Variants in ITGB4 observed in about 807,000 individuals in gnomAD.
The protein encoded by ITGB4 is integrin beta-4.
A neutral mutation model predicts 207.6 loss-of-function variants in ITGB4; 159 were observed. The observed-to-expected ratio is 0.77, with a 90% CI of 0.67 to 0.87. The LOEUF (loss-of-function observed/expected upper bound fraction) is 0.87. Among genes scored for constraint, ITGB4 ranks in the 40% least tolerant of loss-of-function variants. ITGB4 has a pLI of 0.00. For missense variants in ITGB4, 2,278 were observed against 2,546.8 expected (o/e 0.89, Z 2.27); for synonymous variants, 1,020 against 1,062.7 (o/e 0.96, Z 0.78).
chr17:75,756,380 G>A lies in ITGB4; in HGVS notation c.4709-49G>A, dbSNP rs1423812669. 4 of 1,597,520 alleles carry A rather than the reference G, an allele frequency of 2.5e-6. No homozygotes were observed. The African/African-American group carries it at 4.0e-5, about 16-fold the overall frequency. ...TTAGGGACGAGGAGGATCAGGCCAGGGGTGGGAGTAACACTGCACTACTGT... is the reference window on the plus strand; with the variant it reads ...TTAGGGACGAGGAGGATCAGGCCAGAGGTGGGAGTAACACTGCACTACTGT... On this transcript the variant is annotated intron_variant, in intron 35 of 39. Transcript: ENST00000200181.
chr17:75,747,232 A>G (rs2061252616), intron 26 of ITGB4, among the ~76,000 whole-genome samples: 1 of 152,140 alleles, frequency 6.6e-6, no homozygotes, highest in African/African-American at 2.4e-5. Flanking sequence ...TAATCCCAGC[A>G]CTTTGGGAGG....
intron 34 of ITGB4, chr17:75,755,123 C>T (rs369402815): frequency 1.7e-5 from 27 of 1,610,014 alleles, no homozygotes; most frequent in African/African-American, 5.3e-5. Context: ...GTCCCGGAGT[C>T]GGGCTCAGAT....
chr17:75,757,507 C>T lies in ITGB4; in HGVS notation c.5421C>T (p.Thr1807=). ...TQEFVSRTLT[T]SGTLSTHMDQ... ...AGTTTGTGAGCCGGACACTGACCACCAGCGGAACCCTTAGCACCCACATGG... is the reference window on the plus strand; with the variant it reads ...AGTTTGTGAGCCGGACACTGACCACTAGCGGAACCCTTAGCACCCACATGG... The change falls in exon 40 of 40, where the codon ACC becomes ACT. Residue 1807 remains threonine, a synonymous_variant. Transcript: ENST00000200181. 1 of 1,613,350 alleles carries T rather than the reference C, an allele frequency of 6.2e-7. No individual in the cohort carries two copies. The highest frequency in any genetic ancestry group is 8.5e-7 in the Non-Finnish European group (1 of 1,180,002).
chr17:75,749,677 T>C (rs1396986199), intron 27 of ITGB4, among the ~76,000 whole-genome samples: 1 of 152,254 alleles, frequency 6.6e-6, no homozygotes, highest in Non-Finnish European at 1.5e-5. Context: ...TCAGCCTCAA[T>C]TCCAACTAAC....
At chr17:75,754,989 TG>T in intron 34 of ITGB4, 174 bp downstream of exon 34, 1 of 1,553,178 alleles carries the variant, frequency 6.4e-7, no homozygotes, top group African/African-American at 1.4e-5. Context: ...CAGACATGCA[TG>T]CGCACACGTA....
At chr17:75,735,807 G>A (rs1291695474) in intron 13 of ITGB4, among the ~76,000 whole-genome samples, 1 of 152,212 alleles carries the variant, frequency 6.6e-6, no homozygotes, top group Non-Finnish European at 1.5e-5. Context: ...AGGGGAGCAG[G>A]AGCCACATGA....
chr17:75,743,590 A>G (rs375797151), intron 25 of ITGB4, 123 bp from the exon 26 acceptor site: 1 of 1,315,404 alleles, frequency 7.6e-7, no homozygotes. Flanking sequence ...CCAGAGGGCA[A>G]TGCATAGAGG....
chr17:75,754,340 A>G, intron 33 of ITGB4: 1 of 606,216 alleles, frequency 1.6e-6, no homozygotes, highest in Non-Finnish European at 2.9e-6. Context: ...CAGGGTCAGC[A>G]GTGCTCACAC....
At position 75,742,397 on chromosome 17, in the gene ITGB4, C is replaced by G; in HGVS notation, c.2690C>G (p.Ala897Gly). ...ATGGCGCCCCGCTCGGCCAAGCCGG[C>G]CCTGCTGAAGCTTACAGAGAAGCAG... ...VLMAPRSAKPALLKLTEKQVE... is the reference protein window; with the variant it reads ...VLMAPRSAKPGLLKLTEKQVE... Residue 897 changes from alanine to glycine, a missense_variant, in exon 24 of 40, where the codon GCC (alanine) becomes GGC (glycine). Transcript: ENST00000200181. This position sits in a 1 kb window ranked among gnomAD's most constrained non-coding sequence, Gnocchi z 5.9. 1 of 1,613,422 alleles carries G rather than the reference C, an allele frequency of 6.2e-7. No homozygotes were observed. The highest frequency in any genetic ancestry group is 8.5e-7 in the Non-Finnish European group (1 of 1,179,980).
At position 75,751,121 on chromosome 17, in the gene ITGB4, A is replaced by G; in HGVS notation, c.3793+10A>G. 6.2e-7 allele frequency: 1 copy of G among 1,612,842 alleles called. No homozygotes were observed. Among genetic ancestry groups the G allele is most frequent in the Non-Finnish European group, 8.5e-7 (1 of 1,180,016 alleles). On this transcript the variant is annotated intron_variant, in intron 30 of 39. Transcript: ENST00000200181. The stretch of plus-strand genomic sequence containing the variant: ...GTCAACGATGACAACCGTAAGAACC[A>G]GATCCTTCTTTCCTGCCCACAGGGA...
chr17:75,757,148 G>A (rs760580523), intron 38 of ITGB4, 41 bp downstream of exon 38: 2 of 1,612,670 alleles, frequency 1.2e-6, no homozygotes, highest in South Asian at 2.2e-5. Flanking sequence ...CCCTCCTCGG[G>A]CCGTGCCTCC....
intron 26 of ITGB4, among the ~76,000 whole-genome samples, chr17:75,747,505 A>G (rs1374545945): frequency 2.0e-5 from 3 of 152,194 alleles, no homozygotes; most frequent in Non-Finnish European, 2.9e-5. Flanking sequence ...AAAATAAAAT[A>G]GGTCCATATT....
rs1228369630 is a variant in ITGB4, at chr17:75,748,999, C to CCACCTGG, written c.3271_3277dup (p.Gly1093AlafsTer17). On this transcript the variant is annotated frameshift_variant, in exon 27 of 40. Coordinates refer to ENST00000200181, the MANE Select transcript of ITGB4 (RefSeq NM_000213.5). LOFTEE classifies it high-confidence loss of function. The stretch of plus-strand genomic sequence containing the variant: ...AGCTCAGCAACCCTAAGTTTGGGGC[C>CCACCTGG]CACCTGGGCCAGCCCCACTCCACCA... 93 of 1,612,828 alleles carry CCACCTGG rather than the reference C, an allele frequency of 5.8e-5. No homozygotes were observed. The highest frequency in any genetic ancestry group is 7.9e-5 in the Non-Finnish European group (93 of 1,180,016).
At chr17:75,752,612 G>A (rs768563014) in intron 32 of ITGB4, 35 bp downstream of exon 32, 1 of 1,612,414 alleles carries the variant, frequency 6.2e-7, no homozygotes. Flanking sequence ...AGAGGACAGT[G>A]GGGGTCTTGG....
At chr17:75,754,463 T>G in intron 33 of ITGB4, 113 bp from the exon 34 acceptor site, 1 of 1,405,920 alleles carries the variant, frequency 7.1e-7, no homozygotes. Flanking sequence ...TGGTTGTATT[T>G]AAGCAAAAGC....
Position 75,756,626 on chromosome 17 carries a change from C to A in ITGB4, c.4897+9C>A. 1 of 1,612,662 alleles carries A rather than the reference C, an allele frequency of 6.2e-7. No individual in the cohort carries two copies. Among genetic ancestry groups the A allele is most frequent in the South Asian group, 1.1e-5 (1 of 91,084 alleles). ...ACTGTGTCCCCTGCCAGGTGAGTTGCCTCCCCCAGCCCCAGAGCTGCCCCC... is the reference window on the plus strand; with the variant it reads ...ACTGTGTCCCCTGCCAGGTGAGTTGACTCCCCCAGCCCCAGAGCTGCCCCC... On this transcript the variant is annotated intron_variant, in intron 36 of 39. Coordinates refer to ENST00000200181, the MANE Select transcript of ITGB4 (RefSeq NM_000213.5).
rs139240036 is a variant in ITGB4, at chr17:75,745,828, G to A, written c.3111+1967G>A. On this transcript the variant is annotated intron_variant, in intron 26 of 39. Coordinates refer to ENST00000200181, the MANE Select transcript of ITGB4 (RefSeq NM_000213.5). ...CAGGAGGTGGAGGCTGCAGTGAACC[G>A]AGATCATGCCACTGCACTACAGCTT... Among the ~76,000 whole-genome samples the A allele has an allele frequency of 1.9e-4, 29 of 152,186 alleles. No individual in the cohort carries two copies. In the South Asian group the frequency reaches 2.5e-3, roughly 13 times the overall value.
chr17:75,738,841 G>A (rs1188097027), intron 18 of ITGB4, among the ~76,000 whole-genome samples: 5 of 152,168 alleles, frequency 3.3e-5, no homozygotes, highest in South Asian at 2.1e-4. Flanking sequence ...AGCTAGGCAC[G>A]GCTGCGCGTG....
intron 18 of ITGB4, among the ~76,000 whole-genome samples, chr17:75,738,527 C>T (rs1040666922): frequency 9.2e-5 from 14 of 152,216 alleles, no homozygotes; most frequent in African/African-American, 3.4e-4. Context: ...GAGCCCACAT[C>T]TTCCCCAGCT....
Sources: allele counts gnomAD v4.1 joint callset (sites outside exome capture counted in the v4.1 genomes callset), GRCh38; gene constraint gnomAD v4.1.1; non-coding constraint Gnocchi (gnomAD v3.1); transcripts MANE v1.5; gene names NCBI Gene and HGNC (gene_info 2026-07-23, HGNC 2026-07-21).